Variants in SIDT1 observed in about 807,000 individuals in gnomAD.
SIDT1 encodes SID1 transmembrane family, member 1.
A neutral mutation model predicts 107.5 loss-of-function variants in SIDT1; 101 were observed. That is an observed-to-expected ratio of 0.94 (90% CI 0.80 to 1.11). The LOEUF (loss-of-function observed/expected upper bound fraction) is 1.11. SIDT1 is among the 50% of genes least tolerant of loss of function. The pLI is 0.00. For missense variants in SIDT1, 1,076 were observed against 1,058.2 expected (o/e 1.02, Z -0.23); for synonymous variants, 395 against 398.2 (o/e 0.99, Z 0.10).
intron 1 of SIDT1, among the ~76,000 whole-genome samples, chr3:113,547,926 T>C (rs750019794): frequency 6.6e-6 from 1 of 152,168 alleles, no homozygotes. Flanking sequence ...GGTTAAACTC[T>C]AAGCATTTGA....
At chr3:113,587,030 T>C (rs1943791428) in intron 9 of SIDT1, among the ~76,000 whole-genome samples, 1 of 152,198 alleles carries the variant, frequency 6.6e-6, no homozygotes, top group African/African-American at 2.4e-5. Flanking sequence ...AGATAGTAGA[T>C]TAGATAAGAA....
intron 10 of SIDT1, chr3:113,601,342 T>C (rs1189566444): frequency 1.1e-5 from 4 of 366,066 alleles, no homozygotes; most frequent in African/African-American, 2.1e-5. Flanking sequence ...TGAAACATTA[T>C]TCTTCTTTGG....
chr3:113,584,646 A>T, intron 7 of SIDT1, 52 bp from the exon 8 acceptor site: 1 of 1,326,070 alleles, frequency 7.5e-7, no homozygotes, highest in Non-Finnish European at 1.1e-6. Flanking sequence ...ACCAAAAAAA[A>T]TCATTATCTG....
chr3:113,569,494 A>AAAC (rs1171351676), intron 3 of SIDT1, among the ~76,000 whole-genome samples: 1 of 152,196 alleles, frequency 6.6e-6, no homozygotes, highest in Non-Finnish European at 1.5e-5. Context: ...CAGTTTATAA[A>AAAC]AACATCTGTA....
At chr3:113,545,484 A>G (rs972641696) in intron 1 of SIDT1, among the ~76,000 whole-genome samples, 11 of 152,174 alleles carry the variant, frequency 7.2e-5, no homozygotes, top group Non-Finnish European at 1.5e-4. Flanking sequence ...TATTGTGGGT[A>G]TATATTAAGA....
At chr3:113,535,260 A>G (rs1346466534) in intron 1 of SIDT1, among the ~76,000 whole-genome samples, 1 of 150,396 alleles carries the variant, frequency 6.6e-6, no homozygotes, top group Admixed American at 6.6e-5. Flanking sequence ...GGACAGAGTG[A>G]TACCCTGTTT....
chr3:113,572,552 G>C lies in SIDT1; in HGVS notation c.516-4370G>C, dbSNP rs147880653. ...GAGATCTGATTTCTAGAGATGACAT[G>C]AGTGGCAGTGTGGAAGAGGAATTAC... is the stretch of plus-strand genomic sequence containing the variant. On this transcript the variant is annotated intron_variant, in intron 3 of 24. Transcript: ENST00000264852. Among the ~76,000 whole-genome samples the C allele has an allele frequency of 1.4e-3, 206 of 152,340 alleles. 1 individual carries two copies. Among genetic ancestry groups the C allele is most frequent in the African/African-American group, 4.4e-3 (184 of 41,574 alleles).
intron 20 of SIDT1, among the ~76,000 whole-genome samples, chr3:113,617,296 G>C (rs899620035): frequency 6.6e-6 from 1 of 152,160 alleles, no homozygotes; most frequent in Non-Finnish European, 1.5e-5. Flanking sequence ...TTGCTTGATG[G>C]TTAAAACATA....
intron 15 of SIDT1, 82 bp from the exon 16 acceptor site, chr3:113,608,012 A>T: frequency 4.8e-5 from 64 of 1,325,642 alleles, no homozygotes; most frequent in South Asian, 7.3e-5. Context: ...TGCTGAATTC[A>T]TTCATTCCTT....
At chr3:113,536,294 G>A (rs1306384666) in intron 1 of SIDT1, among the ~76,000 whole-genome samples, 1 of 152,158 alleles carries the variant, frequency 6.6e-6, no homozygotes, top group Non-Finnish European at 1.5e-5. Flanking sequence ...AGAGATGTAT[G>A]ACCCCAGACC....
intron 3 of SIDT1, among the ~76,000 whole-genome samples, chr3:113,568,789 GAACA>G (rs554548159): frequency 2.0e-5 from 3 of 151,992 alleles, no homozygotes; most frequent in African/African-American, 7.2e-5. Context: ...AAATAACAAT[GAACA>G]AACTATTGCT....
At chr3:113,600,056 T>C (rs937626444) in intron 10 of SIDT1, among the ~76,000 whole-genome samples, 2 of 152,164 alleles carry the variant, frequency 1.3e-5, no homozygotes, top group African/African-American at 4.8e-5. Flanking sequence ...ACGCCTGTAA[T>C]CCCAGCACTT....
At chr3:113,551,316 T>C (rs985968932) in intron 1 of SIDT1, among the ~76,000 whole-genome samples, 2 of 152,216 alleles carry the variant, frequency 1.3e-5, no homozygotes, top group African/African-American at 4.8e-5. Flanking sequence ...TATTTCTGTT[T>C]TGAGGTTCAA....
intron 8 of SIDT1, 98 bp downstream of exon 8, chr3:113,584,867 T>C (rs1158357184): frequency 4.5e-6 from 4 of 883,244 alleles, no homozygotes; most frequent in Non-Finnish European, 7.1e-6. Context: ...AGAATTGTCA[T>C]AAGAAAACTA....
chr3:113,576,110 C>G (rs993252787), intron 3 of SIDT1, among the ~76,000 whole-genome samples: 2 of 152,234 alleles, frequency 1.3e-5, no homozygotes, highest in African/African-American at 4.8e-5. Flanking sequence ...AACTGTTTCA[C>G]AGATGCTCAC....
intron 6 of SIDT1, among the ~76,000 whole-genome samples, chr3:113,582,198 T>C (rs1943411521): frequency 6.6e-6 from 1 of 152,256 alleles, no homozygotes; most frequent in Non-Finnish European, 1.5e-5. Context: ...TTGTAATTAT[T>C]ATTTCAATTG....
chr3:113,594,387 A>G (rs7648384), intron 10 of SIDT1, among the ~76,000 whole-genome samples: 2,009 of 152,240 alleles, frequency 0.013, 46 homozygotes, highest in African/African-American at 0.047. Context: ...TCTGGATGTC[A>G]TCTTTTTTCC....
intron 14 of SIDT1, 171 bp from the exon 15 acceptor site, chr3:113,606,870 C>T (rs973965319): frequency 1.2e-5 from 6 of 501,584 alleles, no homozygotes; most frequent in Non-Finnish European, 1.8e-5. Flanking sequence ...AAAAAAAGTG[C>T]CTGTGCTGTG....
chr3:113,605,114 A>G (rs1189337628), intron 14 of SIDT1, 138 bp downstream of exon 14: 3 of 422,998 alleles, frequency 7.1e-6, no homozygotes, highest in South Asian at 3.6e-5. Flanking sequence ...GGAATTCACT[A>G]TTGCTTCCTC....
Sources: allele counts gnomAD v4.1 joint callset (sites outside exome capture counted in the v4.1 genomes callset), GRCh38; gene constraint gnomAD v4.1.1; transcripts MANE v1.5; gene names NCBI Gene and HGNC (gene_info 2026-07-23, HGNC 2026-07-21).